The following C12orf54 variants were observed in gnomAD, a reference collection of about 807,000 sequenced individuals.
C12orf54 encodes the protein chromosome 12 open reading frame 54.
C12orf54 carries 24 observed loss-of-function variants against 26.4 expected under a neutral mutation model. The ratio of observed to expected loss-of-function variants is 0.91; its 90% CI spans 0.66 to 1.28. The LOEUF (loss-of-function observed/expected upper bound fraction) is 1.28, where lower values mean the gene tolerates loss of function less well. C12orf54 is among the 50% of genes most tolerant of loss of function. C12orf54 has a pLI of 0.00. For missense variants in C12orf54, 154 were observed against 150.9 expected (o/e 1.02, Z -0.11); for synonymous variants, 54 against 47.0 (o/e 1.15, Z -0.61).
At chr12:48,481,776 T>G (rs534378273), upstream of C12orf54, among the ~76,000 whole-genome samples, 1 of 152,302 alleles carries the variant, frequency 6.6e-6, no homozygotes, top group South Asian at 2.1e-4. Context: ...TCTCAGGTCC[T>G]GTCTGCCTAA....
At chr12:48,472,880 C>G in the C12orf54 span, 1 of 1,614,124 alleles carries the variant, frequency 6.2e-7, no homozygotes, top group South Asian at 1.1e-5. Flanking sequence ...TTGAACTAAG[C>G]AGTAACAGAG....
chr12:48,471,036 T>C, the C12orf54 span, among the ~76,000 whole-genome samples: 1 of 152,162 alleles, frequency 6.6e-6, no homozygotes, highest in Non-Finnish European at 1.5e-5. Flanking sequence ...GTCACCCTGT[T>C]GTGCTATCAA....
the C12orf54 span, among the ~76,000 whole-genome samples, chr12:48,464,769 A>G: frequency 6.6e-6 from 1 of 152,180 alleles, no homozygotes; most frequent in African/African-American, 2.4e-5. Context: ...AAGGCCACAC[A>G]CCTACAACTA....
chr12:48,463,203 G>A, the C12orf54 span, among the ~76,000 whole-genome samples: 3 of 151,766 alleles, frequency 2.0e-5, no homozygotes, highest in East Asian at 5.8e-4. Context: ...ATTGTACATT[G>A]AAAACTATGA....
chr12:48,495,004 C>T, intron 8 of C12orf54, 25 bp downstream of exon 8: 1 of 1,540,168 alleles, frequency 6.5e-7, no homozygotes, highest in Non-Finnish European at 8.9e-7. Flanking sequence ...CAGCCTTTCC[C>T]CTGAGCTCCA....
the C12orf54 span, among the ~76,000 whole-genome samples, chr12:48,454,096 G>GTTTTT: frequency 1.4e-4 from 13 of 94,274 alleles, no homozygotes; most frequent in South Asian, 3.3e-4. Context: ...TTTTTTGTTT[G>GTTTTT]TTTTTTTTTT....
chr12:48,473,246 G>C, the C12orf54 span: 1 of 1,117,138 alleles, frequency 9.0e-7, no homozygotes, highest in Non-Finnish European at 1.3e-6. Context: ...ACGAGGATGA[G>C]GAGGAGGAAC....
At chr12:48,475,161 C>G in the C12orf54 span, among the ~76,000 whole-genome samples, 1 of 152,284 alleles carries the variant, frequency 6.6e-6, no homozygotes, top group Non-Finnish European at 1.5e-5. Flanking sequence ...CTCTAGCAAA[C>G]TCCAACAGAC....
At chr12:48,477,524 A>C (rs547388263), upstream of C12orf54, among the ~76,000 whole-genome samples, 6 of 152,356 alleles carry the variant, frequency 3.9e-5, no homozygotes, top group South Asian at 6.2e-4. Context: ...AAGAAAATAG[A>C]GAAGAATCAA....
upstream of C12orf54, among the ~76,000 whole-genome samples, chr12:48,479,183 T>C (rs1196908554): frequency 2.6e-5 from 4 of 152,048 alleles, no homozygotes; most frequent in Admixed American, 2.0e-4. Flanking sequence ...TATGCAACCA[T>C]AAAAAATGAT....
chr12:48,468,192 A>G, the C12orf54 span, among the ~76,000 whole-genome samples: 2 of 152,174 alleles, frequency 1.3e-5, no homozygotes, highest in Non-Finnish European at 2.9e-5. Context: ...TACAAATCAG[A>G]GTAAAGGGCA....
intron 4 of C12orf54, chr12:48,487,999 G>C (rs774821868): frequency 8.4e-6 from 7 of 837,824 alleles, no homozygotes; most frequent in South Asian, 4.1e-5. Context: ...TTTTTAAGGA[G>C]AGTCATGGTG....
chr12:48,426,175 A>T, the C12orf54 span, among the ~76,000 whole-genome samples: 1 of 152,060 alleles, frequency 6.6e-6, no homozygotes, highest in African/African-American at 2.4e-5. Flanking sequence ...TATGTCCAGA[A>T]TGGTATTGCC....
chr12:48,433,815 G>T, the C12orf54 span, among the ~76,000 whole-genome samples: 1 of 152,156 alleles, frequency 6.6e-6, no homozygotes, highest in Non-Finnish European at 1.5e-5. Flanking sequence ...AACAGCTCCA[G>T]CCTACAGCTC....
chr12:48,492,899 A>G (rs1312650886), intron 6 of C12orf54, 48 bp from the exon 7 acceptor site: 2 of 1,549,610 alleles, frequency 1.3e-6, no homozygotes, highest in Non-Finnish European at 1.8e-6. Flanking sequence ...CTGGGGAGAC[A>G]TGTCCAGGCC....
the C12orf54 span, among the ~76,000 whole-genome samples, chr12:48,431,845 T>G: frequency 6.6e-6 from 1 of 152,036 alleles, no homozygotes; most frequent in Admixed American, 6.6e-5. Context: ...TACCCATAGG[T>G]GTGAGATTTC....
the C12orf54 span, among the ~76,000 whole-genome samples, chr12:48,430,761 T>C: frequency 0.094 from 14,281 of 152,238 alleles, 771 homozygotes; most frequent in Middle Eastern, 0.13. Context: ...GAGCTAAAAG[T>C]GGAACTACCA....
chr12:48,484,669 G>A (rs936941450), intron 2 of C12orf54, among the ~76,000 whole-genome samples: 1 of 152,204 alleles, frequency 6.6e-6, no homozygotes, highest in Non-Finnish European at 1.5e-5. Flanking sequence ...CAATAGCATA[G>A]TAGCGTGACT....
At chr12:48,494,751 T>C in intron 7 of C12orf54, 47 bp from the exon 8 acceptor site, 1 of 1,580,646 alleles carries the variant, frequency 6.3e-7, no homozygotes, top group South Asian at 1.1e-5. Flanking sequence ...ACTGAAAGGG[T>C]AAGATCTCTT....
Sources: gnomAD v4.1 joint callset for allele counts (sites outside exome capture counted in the v4.1 genomes callset) on GRCh38, gnomAD v4.1.1 for gene constraint, MANE v1.5 for transcripts, NCBI Gene and HGNC (gene_info 2026-07-23, HGNC 2026-07-21) for gene names.